PLCH1: variants seen among roughly 807,000 people sequenced by gnomAD.
PLCH1 encodes the protein phospholipase C eta 1, also known as 1-phosphatidylinositol 4,5-bisphosphate phosphodiesterase eta-1.
Under a neutral mutation model 126.7 loss-of-function variants are expected in PLCH1, and 60 were observed. That is an observed-to-expected ratio of 0.47 (90% CI 0.38 to 0.59). The LOEUF (loss-of-function observed/expected upper bound fraction) is 0.59, where lower values mean the gene tolerates loss of function less well. Ranked by LOEUF, PLCH1 falls within the 20% of genes least tolerant of loss-of-function variation. The pLI, the probability that PLCH1 is intolerant of heterozygous loss-of-function variation, is 0.00. For missense variants in PLCH1, 1,723 were observed against 2,040.0 expected (o/e 0.84, Z 2.99); for synonymous variants, 719 against 734.9 (o/e 0.98, Z 0.35).
chr3:155,710,961 C>T (rs2109104064), intron 1 of PLCH1, among the ~76,000 whole-genome samples: 1 of 142,228 alleles, frequency 7.0e-6, no homozygotes, highest in Admixed American at 7.3e-5. Context: ...TGACCATGGG[C>T]ACTGTGGTCT....
At chr3:155,605,339 G>A (rs1047498188) in intron 2 of PLCH1, among the ~76,000 whole-genome samples, 8 of 152,108 alleles carry the variant, frequency 5.3e-5, no homozygotes, top group Non-Finnish European at 1.0e-4. Flanking sequence ...TCATGGAAAT[G>A]CCTACTCTAC....
intron 10 of PLCH1, among the ~76,000 whole-genome samples, chr3:155,526,782 T>C (rs984796253): frequency 5.3e-5 from 8 of 152,164 alleles, no homozygotes; most frequent in Admixed American, 5.2e-4. Context: ...ACAGGGACTG[T>C]GGAATATTCA....
At chr3:155,526,793 A>G (rs1229207279) in intron 10 of PLCH1, among the ~76,000 whole-genome samples, 1 of 152,192 alleles carries the variant, frequency 6.6e-6, no homozygotes, top group African/African-American at 2.4e-5. Context: ...GGAATATTCA[A>G]TGTTTGTTTT....
chr3:155,512,065 C>T (rs1719637170), intron 12 of PLCH1, among the ~76,000 whole-genome samples: 1 of 150,218 alleles, frequency 6.7e-6, no homozygotes, highest in Non-Finnish European at 1.5e-5. Flanking sequence ...TGCGCCGTTT[C>T]TTAAGCCGGT....
chr3:155,738,504 C>A (rs1485914016), intron 1 of PLCH1, among the ~76,000 whole-genome samples: 3 of 151,846 alleles, frequency 2.0e-5, no homozygotes, highest in African/African-American at 7.3e-5. Context: ...ATTAGCGGGG[C>A]GGGGCGCAGT....
intron 2 of PLCH1, among the ~76,000 whole-genome samples, chr3:155,689,326 A>T (rs1745199517): frequency 6.6e-6 from 1 of 152,170 alleles, no homozygotes; most frequent in Non-Finnish European, 1.5e-5. Flanking sequence ...ACAAGTTTAG[A>T]CCGTGAAGAC....
chr3:155,595,549 G>C (rs1732876280), intron 3 of PLCH1, among the ~76,000 whole-genome samples: 1 of 152,118 alleles, frequency 6.6e-6, no homozygotes. Context: ...CCTTGGACTT[G>C]GAATTATACC....
chr3:155,675,242 A>T (rs1485997628), intron 2 of PLCH1, among the ~76,000 whole-genome samples: 1 of 152,234 alleles, frequency 6.6e-6, no homozygotes, highest in Non-Finnish European at 1.5e-5. Context: ...GACGCATATG[A>T]ATAACCTGAA....
chr3:155,657,434 C>G (rs1182109025), intron 2 of PLCH1, among the ~76,000 whole-genome samples: 2 of 152,140 alleles, frequency 1.3e-5, no homozygotes, highest in Non-Finnish European at 2.9e-5. Context: ...GGAGAGGAAA[C>G]AGCTGCCTAG....
chr3:155,461,728 T>C (rs1344980010), intron 21 of PLCH1, among the ~76,000 whole-genome samples: 12 of 152,192 alleles, frequency 7.9e-5, no homozygotes, highest in Admixed American at 7.9e-4. Context: ...CTCCATACAG[T>C]TCCTCTCCGG....
intron 2 of PLCH1, among the ~76,000 whole-genome samples, chr3:155,640,826 G>C (rs149692030): frequency 1.3e-5 from 2 of 152,182 alleles, no homozygotes; most frequent in African/African-American, 4.8e-5. Context: ...TTTCAGAAAT[G>C]CCCAGGGAGA....
intron 21 of PLCH1, among the ~76,000 whole-genome samples, chr3:155,469,106 C>T (rs1713049994): frequency 6.6e-6 from 1 of 152,202 alleles, no homozygotes; most frequent in Non-Finnish European, 1.5e-5. Context: ...CTCCGGTCTA[C>T]AGCTCCCAAC....
chr3:155,470,820 C>A (rs1713184013), intron 21 of PLCH1, among the ~76,000 whole-genome samples: 1 of 151,870 alleles, frequency 6.6e-6, no homozygotes, highest in Non-Finnish European at 1.5e-5. Context: ...CATATCCAGC[C>A]AAACTAAGCT....
chr3:155,471,754 G>T (rs528860364), intron 21 of PLCH1, among the ~76,000 whole-genome samples: 2 of 151,860 alleles, frequency 1.3e-5, no homozygotes, highest in South Asian at 4.2e-4. Context: ...AATCAAACTA[G>T]AACTCAGGAT....
At chr3:155,654,827 C>G (rs1289677794) in intron 2 of PLCH1, among the ~76,000 whole-genome samples, 1 of 152,128 alleles carries the variant, frequency 6.6e-6, no homozygotes, top group African/African-American at 2.4e-5. Context: ...CTACCATTGC[C>G]CCACTTAATA....
intron 2 of PLCH1, among the ~76,000 whole-genome samples, chr3:155,700,553 AT>A (rs1243421724): frequency 1.3e-5 from 2 of 152,236 alleles, no homozygotes; most frequent in Admixed American, 1.3e-4. Flanking sequence ...AGAAGTTGAG[AT>A]GATAACCTAA....
intron 2 of PLCH1, among the ~76,000 whole-genome samples, chr3:155,649,850 C>T (rs886288363): frequency 6.6e-6 from 1 of 152,196 alleles, no homozygotes; most frequent in South Asian, 2.1e-4. Context: ...CGGTGATGGG[C>T]GCCTGCAGTC....
chr3:155,483,952 T>C (rs1714591829), intron 22 of PLCH1, among the ~76,000 whole-genome samples: 1 of 152,016 alleles, frequency 6.6e-6, no homozygotes, highest in Non-Finnish European at 1.5e-5. Context: ...GTTTCCAAAC[T>C]AAAAATATTC....
At position 155,485,420 on chromosome 3, in the gene PLCH1, CAGA is replaced by C. The variant is rs1243148013; in HGVS notation, c.2907_2909del (p.Leu970del). The C allele has an allele frequency of 6.8e-6, 11 of 1,611,576 alleles. No homozygotes were observed. Among genetic ancestry groups the C allele is most frequent in the Non-Finnish European group, 9.3e-6 (11 of 1,177,878 alleles). ...CAGATACAGGCAGCGACAAAGCTCC[CAGA>C]AGGTTTCTGTCAACAGGCATAGAGA... On this transcript the variant is annotated inframe_deletion, in exon 22 of 23. Coordinates refer to ENST00000460012, the MANE Select transcript of PLCH1 (RefSeq NM_014996.4).
Sources: gnomAD v4.1 joint callset for allele counts (sites outside exome capture counted in the v4.1 genomes callset) on GRCh38, gnomAD v4.1.1 for gene constraint, MANE v1.5 for transcripts, NCBI Gene and HGNC (gene_info 2026-07-23, HGNC 2026-07-21) for gene names.